The following AKT3 variants were observed in gnomAD, a reference collection of about 807,000 sequenced individuals.
The protein encoded by AKT3 is AKT serine/threonine kinase 3.
AKT3 carries 15 observed loss-of-function variants against 65.3 expected under a neutral mutation model. The ratio of observed to expected loss-of-function variants is 0.23; its 90% CI spans 0.15 to 0.35. The LOEUF (loss-of-function observed/expected upper bound fraction) is 0.35. Ranked by LOEUF, AKT3 falls within the 10% of genes least tolerant of loss-of-function variation. The probability of loss-of-function intolerance (pLI) is 1.00; values close to 1 mark genes in which losing one functional copy is unlikely to be tolerated. For missense variants in AKT3, 243 were observed against 576.5 expected (o/e 0.42, Z 5.92); for synonymous variants, 206 against 183.8 (o/e 1.12, Z -0.98).
intron 13 of AKT3, among the ~76,000 whole-genome samples, chr1:243,509,527 T>C (rs534075343): frequency 6.6e-6 from 1 of 152,298 alleles, no homozygotes; most frequent in African/African-American, 2.4e-5. Flanking sequence ...AGTTTCTAAT[T>C]GACCTTATTT....
chr1:243,781,729 A>G (rs578048065), intron 2 of AKT3, among the ~76,000 whole-genome samples: 6 of 152,322 alleles, frequency 3.9e-5, no homozygotes, highest in South Asian at 2.1e-4. Flanking sequence ...TAAAAAGGTC[A>G]TATTTTTATA....
chr1:243,686,630 C>T (rs1167955812), intron 3 of AKT3, among the ~76,000 whole-genome samples: 6 of 18,852 alleles, frequency 3.2e-4, no homozygotes, highest in South Asian at 2.0e-3. Flanking sequence ...AAATTGTTTT[C>T]ATATATATAT....
intron 3 of AKT3, among the ~76,000 whole-genome samples, chr1:243,690,889 A>G (rs1370785759): frequency 6.6e-6 from 1 of 152,218 alleles, no homozygotes; most frequent in African/African-American, 2.4e-5. Flanking sequence ...AATCTCGACT[A>G]GATGTTTCAG....
chr1:243,597,609 T>G (rs900298744), intron 8 of AKT3, among the ~76,000 whole-genome samples: 1 of 152,214 alleles, frequency 6.6e-6, no homozygotes, highest in Non-Finnish European at 1.5e-5. Flanking sequence ...CACTCAATCT[T>G]CCCACTTCAG....
intron 5 of AKT3, 55 bp downstream of exon 5, chr1:243,645,838 T>C: frequency 6.8e-7 from 1 of 1,472,284 alleles, no homozygotes; most frequent in Non-Finnish European, 9.1e-7. Context: ...TAGCTTTTAA[T>C]ATGTTTCTTC....
chr1:243,753,371 GCGTA>G (rs1688928735), intron 2 of AKT3, among the ~76,000 whole-genome samples: 1 of 152,062 alleles, frequency 6.6e-6, no homozygotes. Flanking sequence ...TAACCTAAAA[GCGTA>G]CGATTTTTCA....
Position 243,587,767 on chromosome 1 carries a change from C to T in AKT3, c.697-14719G>A, listed in dbSNP as rs144578518. On this transcript the variant is annotated intron_variant, in intron 8 of 13. Coordinates refer to ENST00000673466, the MANE Select transcript of AKT3 (RefSeq NM_005465.7). ...TAGATTTTTACCTCACAATATAATA[C>T]GATAAATTTCAGATTTTTTAGTATT... Among the ~76,000 whole-genome samples, 195 of 152,142 alleles carry T rather than the reference C, an allele frequency of 1.3e-3. 8 individuals are homozygous for T. In the South Asian group the frequency reaches 0.037, roughly 29 times the overall value.
At chr1:243,546,155 A>G (rs1453112170) in intron 11 of AKT3, among the ~76,000 whole-genome samples, 1 of 152,206 alleles carries the variant, frequency 6.6e-6, no homozygotes, top group Non-Finnish European at 1.5e-5. Flanking sequence ...ATTCCCCTGC[A>G]CATGCCCTTG....
chr1:243,648,020 G>A (rs1680973469), intron 4 of AKT3, among the ~76,000 whole-genome samples: 1 of 152,202 alleles, frequency 6.6e-6, no homozygotes, highest in South Asian at 2.1e-4. Context: ...CACTTTGGGA[G>A]ACTGAGGTGG....
chr1:243,630,529 C>T (rs912759860), intron 6 of AKT3, among the ~76,000 whole-genome samples: 4 of 152,190 alleles, frequency 2.6e-5, no homozygotes, highest in African/African-American at 7.2e-5. Context: ...AAGGGAAATT[C>T]GATTTCAAGG....
At chr1:243,538,764 G>C (rs969259191) in intron 12 of AKT3, among the ~76,000 whole-genome samples, 1 of 151,712 alleles carries the variant, frequency 6.6e-6, no homozygotes. Context: ...AAAAGCCTGA[G>C]GCAAGAGGAT....
intron 8 of AKT3, among the ~76,000 whole-genome samples, chr1:243,606,865 C>T (rs1677467776): frequency 2.0e-5 from 3 of 152,250 alleles, no homozygotes; most frequent in South Asian, 4.1e-4. Context: ...GGACATGGTG[C>T]CCTGCATCCC....
At chr1:243,828,329 T>C (rs1329371180) in intron 2 of AKT3, among the ~76,000 whole-genome samples, 2 of 152,154 alleles carry the variant, frequency 1.3e-5, no homozygotes, top group Non-Finnish European at 2.9e-5. Flanking sequence ...AGACCAGAAA[T>C]TTAAGACAGA....
chr1:243,642,470 T>C lies in AKT3; in HGVS notation c.429+3423A>G, dbSNP rs866870743. Reference sequence around the variant, plus strand: ...GACTACAGGCGCCCGCCACCACGCCTGGTTAATTTTTTGTATTTTTAGTAG... The same window carrying C: ...GACTACAGGCGCCCGCCACCACGCCCGGTTAATTTTTTGTATTTTTAGTAG... On this transcript the variant is annotated intron_variant, in intron 5 of 13. Transcript: ENST00000673466. Among the ~76,000 whole-genome samples the C allele has an allele frequency of 8.4e-4, 128 of 151,894 alleles. 1 individual carries two copies. Among genetic ancestry groups the C allele is most frequent in the Admixed American group, 1.4e-3 (21 of 15,268 alleles).
At chr1:243,771,359 T>C (rs968751168) in intron 2 of AKT3, among the ~76,000 whole-genome samples, 1 of 152,170 alleles carries the variant, frequency 6.6e-6, no homozygotes, top group Non-Finnish European at 1.5e-5. Context: ...TTTTCCATGT[T>C]CTATTCTGTG....
intron 6 of AKT3, among the ~76,000 whole-genome samples, chr1:243,624,439 A>T (rs1485378062): frequency 6.6e-6 from 1 of 152,226 alleles, no homozygotes; most frequent in African/African-American, 2.4e-5. Context: ...TATAAAATGT[A>T]TCCACTTTTT....
intron 4 of AKT3, among the ~76,000 whole-genome samples, chr1:243,652,792 A>AAAAAAAAAAC: frequency 6.7e-6 from 1 of 150,168 alleles, no homozygotes; most frequent in South Asian, 2.1e-4. Flanking sequence ...AAAAAAAAAA[A>AAAAAAAAAAC]AGCAGGAGTT....
chr1:243,547,915 T>C (rs1353915531), intron 11 of AKT3: 3 of 152,218 alleles, frequency 2.0e-5, no homozygotes, highest in Admixed American at 6.5e-5. Flanking sequence ...TTGATCATAA[T>C]AGTGCTGTTC....
chr1:243,625,206 A>G (rs555770061), intron 6 of AKT3: 1 of 142,048 alleles, frequency 7.0e-6, no homozygotes, highest in African/African-American at 2.8e-5. Context: ...ATCTCAGATC[A>G]CTGCAACCTC....
Sources: allele counts gnomAD v4.1 joint callset (sites outside exome capture counted in the v4.1 genomes callset), GRCh38; gene constraint gnomAD v4.1.1; transcripts MANE v1.5; gene names NCBI Gene and HGNC (gene_info 2026-07-23, HGNC 2026-07-21).